The following UBXN6 variants were observed in gnomAD, a reference collection of about 807,000 sequenced individuals.
UBXN6 encodes the protein UBX domain-containing protein 6.
In UBXN6, 44 loss-of-function variants were observed where a neutral mutation model predicts 51.4. The observed-to-expected ratio is 0.86, with a 90% CI of 0.67 to 1.10. The LOEUF is 1.10. Among genes scored for constraint, UBXN6 ranks in the 50% least tolerant of loss-of-function variants. The pLI is 0.00. For synonymous variants in UBXN6, 316 were observed against 263.2 expected, an observed-to-expected ratio of 1.20 and a Z score of -1.94; for missense variants, 672 against 596.1, an observed-to-expected ratio of 1.13 and a Z score of -1.32.
At chr19:4,451,834 C>T (rs1974658638) in intron 4 of UBXN6, among the ~76,000 whole-genome samples, 3 of 151,706 alleles carry the variant, frequency 2.0e-5, no homozygotes, top group Admixed American at 2.0e-4. Flanking sequence ...TGTATTGAAG[C>T]AAATAATACT....
In UBXN6 at chr19:4,452,389, G is replaced by A. The variant is rs553544793; in HGVS notation, c.416C>T (p.Ala139Val). 1.9e-6 allele frequency: 3 copies of A among 1,613,588 alleles called. No homozygotes were observed. The highest frequency in any genetic ancestry group is 1.3e-5 in the African/African-American group (1 of 75,014). ...GATLRKDQRD[A>V]CIKEAILLHF... ...CAAGAGAATGGCCTCCTTGATGCAG[G>A]CGTCCCGCTGGTCCTTCCTCAGGGT... Residue 139 changes from alanine (A) to valine (V), a missense_variant, in exon 4 of 11, where the codon GCC (alanine) becomes GTC (valine). Coordinates refer to ENST00000301281, the MANE Select transcript of UBXN6 (RefSeq NM_025241.3).
chr19:4,453,342 G>T, intron 3 of UBXN6, 116 bp downstream of exon 3: 2 of 1,208,588 alleles, frequency 1.7e-6, no homozygotes, highest in Non-Finnish European at 2.3e-6. Context: ...ACCTTGCAAG[G>T]CAAGGTTTTC....
In UBXN6 at chr19:4,446,596, C is replaced by T. The variant is rs554862257; in HGVS notation, c.824G>A (p.Arg275His). 8 of 1,612,630 alleles carry T rather than the reference C, an allele frequency of 5.0e-6. No homozygotes were observed. Among genetic ancestry groups the T allele is most frequent in the East Asian group, 4.5e-5 (2 of 44,870 alleles). ...GGCCAGGGGCGAGGGCTGGAAGACG[C>T]GGCGCTGCCTGTCCAGCTTGGCGCG... ...PVRAKLDRQR[R>H]VFQPSPLASQ... is the part of the protein sequence containing the mutation. Residue 275 changes from arginine to histidine, a missense_variant, in exon 8 of 11, where the codon CGC becomes CAC. By Grantham distance (29) the Arg-to-His change is conservative. Coordinates refer to ENST00000301281, the MANE Select transcript of UBXN6 (RefSeq NM_025241.3).
Position 4,447,867 on chromosome 19 carries a change from C to T in UBXN6, c.540-242G>A. 4 of 556,752 alleles carry T rather than the reference C, an allele frequency of 7.2e-6. No individual in the cohort carries two copies. The South Asian group carries it at 7.9e-5, about 11-fold the overall frequency. 34.5% of individuals were successfully genotyped at this position (556,752 alleles called of 1,614,324 possible). On this transcript the variant is annotated intron_variant, in intron 5 of 10. Transcript: ENST00000301281. ...GGAACCCCTCACCGTCCCACCAGCC[C>T]TGGAAGGGCACAATTAACCACAGCG...
chr19:4,446,196 G>T lies in UBXN6; in HGVS notation c.1053C>A (p.Gly351=). The change falls in exon 10 of 11, where the codon GGC becomes GGA. Residue 351 remains glycine, a splice_region_variant and synonymous_variant. Transcript: ENST00000301281. ...VRLPDGCLLQ[G]TFYARERLGA... is the part of the protein sequence containing the mutation. ...CCAGCCGCTCCCGAGCGTAGAAAGTGCCTGGGGAGTGGGGGAGTCAGAGCG... is the reference window on the plus strand; with the variant it reads ...CCAGCCGCTCCCGAGCGTAGAAAGTTCCTGGGGAGTGGGGGAGTCAGAGCG... The T allele has an allele frequency of 6.2e-7, 1 of 1,601,892 alleles. No homozygotes were observed.
intron 5 of UBXN6, 116 bp downstream of exon 5, chr19:4,448,202 C>G: frequency 3.1e-6 from 3 of 961,354 alleles, no homozygotes. Context: ...GGCCTATGCT[C>G]CTTCCCAACC....
chr19:4,448,145 G>A, intron 5 of UBXN6, 173 bp downstream of exon 5: 1 of 624,860 alleles, frequency 1.6e-6, no homozygotes, highest in Middle Eastern at 4.1e-4. Flanking sequence ...GGCCCAAGGA[G>A]GCCCAGCCCT....
chr19:4,452,543 A>C (rs1974672249), intron 3 of UBXN6, 51 bp from the exon 4 acceptor site: 2 of 1,568,484 alleles, frequency 1.3e-6, no homozygotes, highest in South Asian at 2.3e-5. Context: ...GGCCACCCCG[A>C]CCCTCGCCGA....
chr19:4,456,395 C>T (rs1420978529), intron 1 of UBXN6, among the ~76,000 whole-genome samples: 1 of 151,704 alleles, frequency 6.6e-6, no homozygotes, highest in Non-Finnish European at 1.5e-5. Context: ...TTCCTGACCC[C>T]CACTTCCTGC....
At position 4,445,952 on chromosome 19, in the gene UBXN6, G is replaced by C. The variant is rs533707283; in HGVS notation, c.1200+97C>G. ...GGGACCTGCCCAGGCCCCCTGCTCTGAGAACAAGGAGGCTCCCTCCTGGGG... is the reference window on the plus strand; with the variant it reads ...GGGACCTGCCCAGGCCCCCTGCTCTCAGAACAAGGAGGCTCCCTCCTGGGG... On this transcript the variant is annotated intron_variant, in intron 10 of 10. Transcript: ENST00000301281. 60 of 1,498,914 alleles carry C rather than the reference G, an allele frequency of 4.0e-5. No homozygotes were observed. In the Middle Eastern group the frequency reaches 6.0e-4, roughly 15 times the overall value. 92.9% of individuals were successfully genotyped at this position (1,498,914 alleles called of 1,614,324 possible). A position where few individuals can be genotyped will look rare whatever the true frequency, so the allele number is the denominator to read the frequency against.
intron 1 of UBXN6, 118 bp downstream of exon 1, chr19:4,457,497 C>T: frequency 3.5e-6 from 3 of 856,022 alleles, no homozygotes; most frequent in Non-Finnish European, 4.8e-6. Flanking sequence ...CCCTGACCCT[C>T]GCGTGCCGCT....
rs745590188 is a variant in UBXN6, at chr19:4,445,448, G to C, written c.*50C>G. On this transcript the variant is annotated 3_prime_UTR_variant, in exon 11 of 11. Coordinates refer to ENST00000301281, the MANE Select transcript of UBXN6 (RefSeq NM_025241.3). ...CCCTGGGGTGGCGGGGAGAGGAACAGGGAGAGCATGAGACAGACCCACAGG... is the reference window on the plus strand; with the variant it reads ...CCCTGGGGTGGCGGGGAGAGGAACACGGAGAGCATGAGACAGACCCACAGG... 126 of 1,610,344 alleles carry C rather than the reference G, an allele frequency of 7.8e-5. No homozygotes were observed. The highest frequency in any genetic ancestry group is 1.0e-4 in the Non-Finnish European group (121 of 1,177,916).
At chr19:4,453,666 C>T (rs1015282295) in intron 2 of UBXN6, 144 bp from the exon 3 acceptor site, 8 of 1,113,420 alleles carry the variant, frequency 7.2e-6, no homozygotes. Context: ...GGCTGGAGGT[C>T]CCCTGCAGGA....
Position 4,457,783 on chromosome 19 carries a change from C to A in UBXN6, c.-86G>T. On this transcript the variant is annotated 5_prime_UTR_variant, in exon 1 of 11. Coordinates refer to ENST00000301281, the MANE Select transcript of UBXN6 (RefSeq NM_025241.3). ...GGACGGGGCCGCCGGAGACCAGCCA[C>A]CGGAAGAAAATTAAAAAAAAAAAAA... is the stretch of plus-strand genomic sequence containing the variant. The A allele has an allele frequency of 3.8e-6, 2 of 529,844 alleles. No individual in the cohort carries two copies. Among genetic ancestry groups the A allele is most frequent in the Non-Finnish European group, 2.7e-6 (1 of 373,160 alleles). 32.8% of individuals were successfully genotyped at this position (529,844 alleles called of 1,614,324 possible).
rs532929768 is a variant in UBXN6, at chr19:4,446,539, T to A, written c.881A>T (p.Asn294Ile). The A allele has an allele frequency of 1.2e-6, 2 of 1,612,048 alleles. No individual in the cohort carries two copies. The highest frequency in any genetic ancestry group is 1.7e-6 in the Non-Finnish European group (2 of 1,179,846). ...SQFELPGDFF[N>I]LTAEEIKREQ... is the part of the protein sequence containing the mutation. ...CCGCTTGATCTCCTCTGCTGTGAGG[T>A]TGAAGAAGTCCCCAGGCAGTTCGAA... The change falls in exon 8 of 11, where the codon AAC (asparagine) becomes ATC (isoleucine). Residue 294 changes from asparagine (N) to isoleucine (I), a missense_variant. Physicochemically the swap from Asn to Ile is moderately radical, Grantham distance 149. Transcript: ENST00000301281.
At chr19:4,457,817 A>T (rs1974764484), upstream of UBXN6, 1 of 574,140 alleles carries the variant, frequency 1.7e-6, no homozygotes, top group South Asian at 2.9e-5. Context: ...AAAAAAAAAA[A>T]AAAAAATTTA....
upstream of UBXN6, chr19:4,457,805 A>T (rs1355972883): frequency 7.3e-4 from 415 of 567,954 alleles, 9 homozygotes; most frequent in Middle Eastern, 2.0e-3. Context: ...TAAAAAAAAA[A>T]AAAAAAAAAA....
Position 4,446,923 on chromosome 19 carries a change from G to A in UBXN6, c.616-3C>T. 6.2e-7 allele frequency: 1 copy of A among 1,613,650 alleles called. No homozygotes were observed. The highest frequency in any genetic ancestry group is 1.7e-5 in the Admixed American group (1 of 59,978). ...CCTTCCAGGCAGTTAATGCGCTCCT[G>A]GGGGTGGAGATGGGCGTCACTGGGG... On this transcript the variant is annotated splice_polypyrimidine_tract_variant and splice_region_variant and intron_variant, in intron 6 of 10. Transcript: ENST00000301281.
intron 1 of UBXN6, among the ~76,000 whole-genome samples, chr19:4,457,282 GC>G (rs1974751807): frequency 1.6e-5 from 1 of 63,020 alleles, no homozygotes; most frequent in South Asian, 4.6e-4. Flanking sequence ...CTAATCCCCC[GC>G]CACTGCATCG....
Sources: allele counts gnomAD v4.1 joint callset (sites outside exome capture counted in the v4.1 genomes callset), GRCh38; gene constraint gnomAD v4.1.1; transcripts MANE v1.5; gene names NCBI Gene and HGNC (gene_info 2026-07-23, HGNC 2026-07-21).